HMX1: variants seen among roughly 807,000 people sequenced by gnomAD.
The protein encoded by HMX1 is H6 family homeobox 1.
In HMX1, 8 loss-of-function variants were observed where a neutral mutation model predicts 8.9. The ratio of observed to expected loss-of-function variants is 0.90; its 90% CI spans 0.53 to 1.63. HMX1 has a LOEUF of 1.63. HMX1 is among the 40% of genes most tolerant of loss of function. The probability of loss-of-function intolerance (pLI) is 0.00; values close to 1 mark genes in which losing one functional copy is unlikely to be tolerated. For synonymous variants in HMX1, 311 were observed against 283.4 expected, an observed-to-expected ratio of 1.10 and a Z score of -0.98; for missense variants, 621 against 558.5, an observed-to-expected ratio of 1.11 and a Z score of -1.13.
Position 8,855,646 on chromosome 4 carries a change from A to C in HMX1, c.395-9322T>G, listed in dbSNP as rs1050402860. On this transcript the variant is annotated intron_variant, in intron 1 of 1. Coordinates refer to the HMX1 transcript ENST00000506970. ...GGATTCACCCTCCAGGACACTCTGC[A>C]GCCCAGGGATGTGGCCAGGACCCTT... 2.4e-4 allele frequency among the ~76,000 whole-genome samples: 37 copies of C among 152,344 alleles called. 1 individual carries two copies. The highest frequency in any genetic ancestry group is 7.7e-4 in the African/African-American group (32 of 41,570).
intron 1 of HMX1, among the ~76,000 whole-genome samples, chr4:8,861,905 C>T (rs1331651331): frequency 1.3e-5 from 2 of 152,270 alleles, no homozygotes; most frequent in Non-Finnish European, 2.9e-5. Context: ...GAGGAGGCCG[C>T]TGCGCGCAAC....
downstream of HMX1, among the ~76,000 whole-genome samples, chr4:8,862,206 T>G (rs1721851811): frequency 6.6e-6 from 1 of 152,230 alleles, no homozygotes; most frequent in South Asian, 2.1e-4. Context: ...GTTAATGGGT[T>G]TAAATGCGAA....
intron 1 of HMX1, among the ~76,000 whole-genome samples, chr4:8,854,383 A>G (rs1721545840): frequency 1.3e-5 from 2 of 152,272 alleles, no homozygotes; most frequent in Non-Finnish European, 2.9e-5. Context: ...CACATTTGCC[A>G]TAATGCCAGT....
chr4:8,850,963 C>T (rs1222063943), intron 1 of HMX1, among the ~76,000 whole-genome samples: 1 of 152,238 alleles, frequency 6.6e-6, no homozygotes, highest in African/African-American at 2.4e-5. Context: ...GGACTGGGCT[C>T]CCCCAGGGCA....
At chr4:8,854,057 G>A (rs570434579) in intron 1 of HMX1, among the ~76,000 whole-genome samples, 181 of 152,288 alleles carry the variant, frequency 1.2e-3, no homozygotes, top group African/African-American at 4.0e-3. Flanking sequence ...CATGGTGTGC[G>A]AGAAACAGCT....
At chr4:8,862,928 G>C (rs1481364103), downstream of HMX1, among the ~76,000 whole-genome samples, 1 of 152,050 alleles carries the variant, frequency 6.6e-6, no homozygotes, top group Non-Finnish European at 1.5e-5. Flanking sequence ...TCCCCTCTCC[G>C]GCCCACCTAT....
downstream of HMX1, among the ~76,000 whole-genome samples, chr4:8,866,365 A>G (rs1721995068): frequency 6.6e-6 from 1 of 152,256 alleles, no homozygotes; most frequent in African/African-American, 2.4e-5. Flanking sequence ...CTGCCATGGA[A>G]GTGAACTTTT....
In HMX1 at chr4:8,867,510, T is replaced by A; in HGVS notation, c.*183A>T. ...CAAATGGGTGGGGCGTCCCATTACA[T>A]TCTAGAGGCGCTCCCCACAGAAGCT... On this transcript the variant is annotated 3_prime_UTR_variant, in exon 2 of 2. Transcript: ENST00000400677. The A allele has an allele frequency of 8.6e-7, 1 of 1,164,284 alleles. No individual in the cohort carries two copies. The allele number at this position is 1,164,284 out of a possible 1,614,324, so 72.1% of individuals were successfully genotyped here.
chr4:8,861,002 G>A (rs1721791185), intron 1 of HMX1, among the ~76,000 whole-genome samples: 1 of 151,174 alleles, frequency 6.6e-6, no homozygotes, highest in Admixed American at 6.6e-5. Flanking sequence ...GAACCGCGGG[G>A]AGGGGGCGGG....
At chr4:8,860,754 C>A (rs1174006690) in intron 1 of HMX1, 1 of 152,666 alleles carries the variant, frequency 6.6e-6, no homozygotes, top group Admixed American at 6.5e-5. Context: ...TCTCCGCAGC[C>A]CCATGCCCTG....
rs1267413839 is a variant in HMX1, at chr4:8,849,757, G to C, written c.395-3433C>G. On this transcript the variant is annotated intron_variant, in intron 1 of 1. Transcript: ENST00000506970. The surrounding 1 kb of genome is among the most constrained non-coding windows in gnomAD (Gnocchi z 6.6). ...TCCAATCCTCTGCCCTTGCTGGGTA[G>C]GGCAGGAAGAAATGGGGACCCTCAC... Among the ~76,000 whole-genome samples, 1 of 152,204 alleles carries C rather than the reference G, an allele frequency of 6.6e-6. No homozygotes were observed. The highest frequency in any genetic ancestry group is 1.9e-4 in the East Asian group (1 of 5,168).
chr4:8,867,574 T>C lies in HMX1; in HGVS notation c.*119A>G, dbSNP rs1722044954. 2 of 1,185,370 alleles carry C rather than the reference T, an allele frequency of 1.7e-6. No individual in the cohort carries two copies. The highest frequency in any genetic ancestry group is 3.2e-5 in the African/African-American group (2 of 62,318). 73.4% of individuals were successfully genotyped at this position (1,185,370 alleles called of 1,614,324 possible). On this transcript the variant is annotated 3_prime_UTR_variant, in exon 2 of 2. Transcript: ENST00000400677. ...CCGCGGCCTGCGCTCCCGAGGTATCTAGGAGGCCGCAGGAGCGACCATCCC... is the reference window on the plus strand; with the variant it reads ...CCGCGGCCTGCGCTCCCGAGGTATCCAGGAGGCCGCAGGAGCGACCATCCC...
Position 8,871,213 on chromosome 4 carries a change from T to C in HMX1, c.394+8A>G. The C allele has an allele frequency of 1.4e-6, 2 of 1,427,720 alleles. No homozygotes were observed. Among genetic ancestry groups the C allele is most frequent in the South Asian group, 1.4e-5 (1 of 70,190 alleles). The allele number at this position is 1,427,720 out of a possible 1,614,324, so 88.4% of individuals were successfully genotyped here. ...CGCCTGACCCACCCTCCCCGCGCCCTCACTCACTGTCAGGACTGAGGCCGC... is the reference window on the plus strand; with the variant it reads ...CGCCTGACCCACCCTCCCCGCGCCCCCACTCACTGTCAGGACTGAGGCCGC... On this transcript the variant is annotated splice_region_variant and intron_variant, in intron 1 of 1. Transcript: ENST00000400677. This position sits in a 1 kb window ranked among gnomAD's most constrained non-coding sequence, Gnocchi z 4.8.
chr4:8,855,654 G>A (rs567753971), intron 1 of HMX1, among the ~76,000 whole-genome samples: 1 of 152,208 alleles, frequency 6.6e-6, no homozygotes, highest in South Asian at 2.1e-4. Context: ...GCAGCCCAGG[G>A]ATGTGGCCAG....
chr4:8,867,857 C>A lies in HMX1; in HGVS notation c.883G>T (p.Ala295Ser). 8.0e-7 allele frequency: 1 copy of A among 1,243,070 alleles called. No homozygotes were observed. Among genetic ancestry groups the A allele is most frequent in the Non-Finnish European group, 1.0e-6 (1 of 995,400 alleles). 77.0% of individuals were successfully genotyped at this position (1,243,070 alleles called of 1,614,324 possible). A position where few individuals can be genotyped will look rare whatever the true frequency, so the allele number is the denominator to read the frequency against. ...LYHESPPAAA[A>S]AGPPATLPFP... ...GGCAGGGTGGCCGGGGGCCCAGCGG[C>A]GGCTGCGGCCGGGGGGCTTTCGTGG... The change falls in exon 2 of 2, where the codon GCC becomes TCC. Residue 295 changes from alanine to serine, a missense_variant. Transcript: ENST00000400677.
At position 8,867,353 on chromosome 4, in the gene HMX1, G is replaced by T; in HGVS notation, c.*340C>A. Reference sequence around the variant, plus strand: ...GTTTTCCTTTGTTGCGCTGGGCTTGGCCTGAGGGCAGCTGCCCCGGGTGGC... The same window carrying T: ...GTTTTCCTTTGTTGCGCTGGGCTTGTCCTGAGGGCAGCTGCCCCGGGTGGC... On this transcript the variant is annotated 3_prime_UTR_variant, in exon 2 of 2. Transcript: ENST00000400677. 2.0e-6 allele frequency: 2 copies of T among 1,017,830 alleles called. No individual in the cohort carries two copies. Among genetic ancestry groups the T allele is most frequent in the Non-Finnish European group, 2.3e-6 (2 of 851,740 alleles). 63.0% of individuals were successfully genotyped at this position (1,017,830 alleles called of 1,614,324 possible).
chr4:8,868,410 G>T lies in HMX1; in HGVS notation c.395-65C>A. On this transcript the variant is annotated intron_variant, in intron 1 of 1. Coordinates refer to ENST00000400677, the MANE Select transcript of HMX1 (RefSeq NM_018942.3). This position sits in a 1 kb window ranked among gnomAD's most constrained non-coding sequence, Gnocchi z 4.6. The stretch of plus-strand genomic sequence containing the variant: ...CTGATTACCAGACTCAATCACTGAG[G>T]CCAGCCGTCCCCACCTTGAGGTCGC... 8.3e-7 allele frequency: 1 copy of T among 1,200,518 alleles called. No individual in the cohort carries two copies. The highest frequency in any genetic ancestry group is 1.1e-6 in the Non-Finnish European group (1 of 946,962). 74.4% of individuals were successfully genotyped at this position (1,200,518 alleles called of 1,614,324 possible).
At chr4:8,864,269 G>A (rs1721920716), downstream of HMX1, among the ~76,000 whole-genome samples, 1 of 152,332 alleles carries the variant, frequency 6.6e-6, no homozygotes, top group South Asian at 2.1e-4. Context: ...TGTGATTACG[G>A]TCATGGGGAA....
At chr4:8,852,019 C>G (rs1017644482) in intron 1 of HMX1, among the ~76,000 whole-genome samples, 3 of 152,264 alleles carry the variant, frequency 2.0e-5, no homozygotes, top group Non-Finnish European at 4.4e-5. Context: ...CAGGCAGCCC[C>G]TCTCGTCCCT....
Sources: gnomAD v4.1 joint callset for allele counts (sites outside exome capture counted in the v4.1 genomes callset) on GRCh38, gnomAD v4.1.1 for gene constraint, Gnocchi (gnomAD v3.1) non-coding constraint, MANE v1.5 for transcripts, NCBI Gene and HGNC (gene_info 2026-07-23, HGNC 2026-07-21) for gene names.